Variants in SEC11A observed in about 807,000 individuals in gnomAD.
SEC11A encodes the protein SEC11 homolog A, signal peptidase complex subunit, also known as signal peptidase complex catalytic subunit SEC11A.
Under a neutral mutation model 25.6 loss-of-function variants are expected in SEC11A, and 14 were observed. The observed-to-expected ratio is 0.55, with a 90% CI of 0.36 to 0.85. SEC11A has a LOEUF of 0.85. Among genes scored for constraint, SEC11A ranks in the 40% least tolerant of loss-of-function variants. SEC11A has a pLI of 0.01. For synonymous variants in SEC11A, 83 were observed against 76.4 expected (o/e 1.09, Z -0.45); for missense variants, 153 against 222.9 (o/e 0.69, Z 2.00).
intron 4 of SEC11A, chr15:84,672,346 C>T (rs56233902): frequency 0.2 from 31,432 of 156,456 alleles, 3,976 homozygotes; most frequent in Middle Eastern, 0.36. Flanking sequence ...GCTGCCATCT[C>T]GGCTCACTGC....
intron 4 of SEC11A, among the ~76,000 whole-genome samples, chr15:84,674,013 C>T (rs1228926087): frequency 6.6e-6 from 1 of 152,048 alleles, no homozygotes; most frequent in East Asian, 1.9e-4. Context: ...GCCCAAATAA[C>T]GCTCCTGTAC....
chr15:84,712,265 C>T (rs1898298167), intron 1 of SEC11A, among the ~76,000 whole-genome samples: 1 of 151,794 alleles, frequency 6.6e-6, no homozygotes, highest in South Asian at 2.1e-4. Flanking sequence ...TTCTAAGAAA[C>T]CCAACATACC....
intron 4 of SEC11A, chr15:84,672,226 C>A: frequency 6.1e-6 from 1 of 163,714 alleles, no homozygotes; most frequent in Non-Finnish European, 1.3e-5. Context: ...TCTGCCTCTG[C>A]CTCTGCCCCT....
chr15:84,678,658 C>G (rs1213716145), intron 4 of SEC11A, among the ~76,000 whole-genome samples: 2 of 152,074 alleles, frequency 1.3e-5, no homozygotes, highest in East Asian at 3.8e-4. Flanking sequence ...TGTGACCATT[C>G]TCCTTTCACA....
At chr15:84,692,431 GA>G (rs756266069) in intron 1 of SEC11A, among the ~76,000 whole-genome samples, 6 of 152,102 alleles carry the variant, frequency 3.9e-5, no homozygotes, top group Non-Finnish European at 7.3e-5. Flanking sequence ...AAACTGTCTC[GA>G]AAAGAGGAGA....
intron 2 of SEC11A, among the ~76,000 whole-genome samples, chr15:84,689,033 AAAAAAAAAAAAAGAAGAAGAAG>A (rs1185466305): frequency 6.7e-6 from 1 of 150,210 alleles, no homozygotes; most frequent in African/African-American, 2.4e-5. Flanking sequence ...CTGTCTCAAA[AAAAAAAAAAAAAGAAGAAGAAG>A]AAAAGAAAAA....
At chr15:84,709,499 G>A (rs1898197394) in intron 1 of SEC11A, among the ~76,000 whole-genome samples, 1 of 152,070 alleles carries the variant, frequency 6.6e-6, no homozygotes, top group South Asian at 2.1e-4. Flanking sequence ...CTGGAGTGCA[G>A]TGGTGTGATC....
At chr15:84,694,522 T>TA (rs935540386) in intron 1 of SEC11A, among the ~76,000 whole-genome samples, 85 of 152,008 alleles carry the variant, frequency 5.6e-4, no homozygotes, top group South Asian at 1.5e-3. Flanking sequence ...CAAGAATATG[T>TA]AAAAAAAAGC....
At chr15:84,700,759 T>G (rs1170585705) in intron 1 of SEC11A, among the ~76,000 whole-genome samples, 2 of 150,596 alleles carry the variant, frequency 1.3e-5, no homozygotes, top group African/African-American at 4.9e-5. Context: ...GGCAGGCAGA[T>G]AACCTGAGGT....
intron 3 of SEC11A, among the ~76,000 whole-genome samples, chr15:84,681,565 G>C (rs946805174): frequency 1.3e-5 from 2 of 152,186 alleles, no homozygotes; most frequent in African/African-American, 4.8e-5. Flanking sequence ...AGGAGGCGGA[G>C]GTTGCAGTGA....
At chr15:84,713,762 G>A (rs1428440319) in intron 1 of SEC11A, among the ~76,000 whole-genome samples, 2 of 152,128 alleles carry the variant, frequency 1.3e-5, no homozygotes, top group African/African-American at 4.8e-5. Context: ...CTATCTAGCA[G>A]GTTTGCAAGT....
At chr15:84,670,978 G>C in intron 4 of SEC11A, 196 bp from the exon 5 acceptor site, 1 of 420,052 alleles carries the variant, frequency 2.4e-6, no homozygotes, top group Non-Finnish European at 4.3e-6. Flanking sequence ...TTAGAGATGA[G>C]GAAACAGATG....
chr15:84,708,072 G>C (rs533066475), intron 1 of SEC11A, among the ~76,000 whole-genome samples: 2 of 151,690 alleles, frequency 1.3e-5, no homozygotes, highest in East Asian at 3.9e-4. Context: ...TTAGCCAGGC[G>C]TGGTGGCACA....
chr15:84,690,245 T>C (rs141087444), intron 2 of SEC11A, among the ~76,000 whole-genome samples: 10 of 152,316 alleles, frequency 6.6e-5, no homozygotes, highest in Non-Finnish European at 8.8e-5. Flanking sequence ...CGAGATCTGA[T>C]GGTTTTAAAA....
intron 1 of SEC11A, among the ~76,000 whole-genome samples, chr15:84,701,377 T>C (rs1353267883): frequency 6.6e-6 from 1 of 151,506 alleles, no homozygotes; most frequent in Non-Finnish European, 1.5e-5. Context: ...TGGAGTGCAA[T>C]GGCATGATCC....
At chr15:84,681,774 T>C (rs2141880619) in intron 3 of SEC11A, among the ~76,000 whole-genome samples, 1 of 152,252 alleles carries the variant, frequency 6.6e-6, no homozygotes, top group East Asian at 1.9e-4. Flanking sequence ...AAAAACTTGA[T>C]GATACTAAAG....
intron 1 of SEC11A, among the ~76,000 whole-genome samples, chr15:84,703,139 G>T (rs1380367841): frequency 6.6e-6 from 1 of 152,130 alleles, no homozygotes; most frequent in East Asian, 1.9e-4. Flanking sequence ...GTCCTTTGGA[G>T]AATTATTCTC....
intron 4 of SEC11A, chr15:84,671,881 A>G (rs1179376982): frequency 6.6e-6 from 1 of 152,208 alleles, no homozygotes; most frequent in Non-Finnish European, 1.5e-5. Flanking sequence ...TTGACATCAT[A>G]AGCATTCACG....
chr15:84,677,664 G>A (rs185309652), intron 4 of SEC11A, among the ~76,000 whole-genome samples: 4 of 151,832 alleles, frequency 2.6e-5, no homozygotes, highest in Non-Finnish European at 4.4e-5. Context: ...TAGTAGAGAC[G>A]GAGTTTCACT....
Sources: gnomAD v4.1 joint callset for allele counts (sites outside exome capture counted in the v4.1 genomes callset) on GRCh38, gnomAD v4.1.1 for gene constraint, MANE v1.5 for transcripts, NCBI Gene and HGNC (gene_info 2026-07-23, HGNC 2026-07-21) for gene names.